The following PRTN3 variants were observed in gnomAD, a reference collection of about 807,000 sequenced individuals.
PRTN3 encodes myeloblastin.
Under a neutral mutation model 20.7 loss-of-function variants are expected in PRTN3, and 22 were observed. That is an observed-to-expected ratio of 1.06 (90% confidence interval 0.76 to 1.52). The LOEUF (loss-of-function observed/expected upper bound fraction) is 1.52. PRTN3 is among the 40% of genes most tolerant of loss of function. The pLI is 0.00. For missense variants in PRTN3, 378 were observed against 359.6 expected (o/e 1.05, Z -0.41); for synonymous variants, 173 against 152.9 (o/e 1.13, Z -0.97).
chr19:845,977 A>T (rs1377027118), intron 3 of PRTN3, among the ~76,000 whole-genome samples, 170 bp from the exon 4 acceptor site: 1 of 151,720 alleles, frequency 6.6e-6, no homozygotes, highest in African/African-American at 2.4e-5. Flanking sequence ...AAGAAAATGA[A>T]TGAATACAAT....
At chr19:847,733 C>G in intron 4 of PRTN3, 66 bp from the exon 5 acceptor site, 1 of 1,519,632 alleles carries the variant, frequency 6.6e-7, no homozygotes, top group Non-Finnish European at 8.9e-7. Flanking sequence ...GGGTGACTGG[C>G]CGTCCCCATC....
intron 1 of PRTN3, 41 bp downstream of exon 1, chr19:841,110 C>G (rs758584067): frequency 6.3e-7 from 1 of 1,593,034 alleles, no homozygotes; most frequent in South Asian, 1.1e-5. Context: ...CTCCAGGCCC[C>G]GGTGGATTGT....
rs1481679396 is a variant in PRTN3 at position 843,931 on chromosome 19, A to G, written c.266A>G (p.Asn89Ser). The G allele has an allele frequency of 1.1e-5, 18 of 1,596,362 alleles. No individual in the cohort carries two copies. Among genetic ancestry groups the G allele is most frequent in the Non-Finnish European group, 1.4e-5 (17 of 1,173,456 alleles). Residue 89 changes from asparagine (N) to serine (S), a missense_variant, in exon 3 of 5, where the codon AAC (asparagine) becomes AGC (serine). By Grantham distance (46) the Asn-to-Ser change is conservative. Coordinates refer to ENST00000234347, the MANE Select transcript of PRTN3 (RefSeq NM_002777.4). ...RLVNVVLGAH[N>S]VRTQEPTQQH... ...GTGAACGTGGTGCTCGGAGCCCACA[A>G]CGTGCGGACGCAGGAGCCCACCCAG...
At chr19:847,204 G>A (rs568168064) in intron 4 of PRTN3, among the ~76,000 whole-genome samples, 1 of 152,244 alleles carries the variant, frequency 6.6e-6, no homozygotes, top group East Asian at 1.9e-4. Flanking sequence ...TACTCAGGAG[G>A]CTAAGGCAGG....
At chr19:842,006 C>A (rs1441817979) in intron 1 of PRTN3, among the ~76,000 whole-genome samples, 1 of 148,420 alleles carries the variant, frequency 6.7e-6, no homozygotes, top group African/African-American at 2.5e-5. Flanking sequence ...GGATTACAGG[C>A]GTGAGCCACC....
At chr19:845,472 T>G (rs2035504110) in intron 3 of PRTN3, among the ~76,000 whole-genome samples, 2 of 151,448 alleles carry the variant, frequency 1.3e-5, no homozygotes, top group Non-Finnish European at 2.9e-5. Context: ...CCCAGCACTT[T>G]GGGAGGCCGA....
At chr19:843,657 C>G (rs1233324972) in intron 2 of PRTN3, 31 bp downstream of exon 2, 2 of 1,543,310 alleles carry the variant, frequency 1.3e-6, no homozygotes, top group Non-Finnish European at 8.7e-7. Flanking sequence ...CCCTGTCCGC[C>G]CGCCCCGCCC....
Position 844,121 on chromosome 19 carries a change from C to T in PRTN3, c.369+87C>T, listed in dbSNP as rs574256870. ...TCCTGCAGCCAGCATTCATTGAGCA[C>T]CCACTGTATACCGGGCCACGACCGA... On this transcript the variant is annotated intron_variant, in intron 3 of 4. Coordinates refer to ENST00000234347, the MANE Select transcript of PRTN3 (RefSeq NM_002777.4). 178 of 1,479,558 alleles carry T rather than the reference C, an allele frequency of 1.2e-4. No individual in the cohort carries two copies. The East Asian group carries it at 3.3e-3, about 28-fold the overall frequency. The allele number at this position is 1,479,558 out of a possible 1,614,324, so 91.7% of individuals were successfully genotyped here.
chr19:847,739 C>T, intron 4 of PRTN3, 60 bp from the exon 5 acceptor site: 1 of 1,535,982 alleles, frequency 6.5e-7, no homozygotes, highest in Non-Finnish European at 8.8e-7. Context: ...CTGGCCGTCC[C>T]CATCCTCCAG....
At chr19:844,825 G>C in intron 3 of PRTN3, among the ~76,000 whole-genome samples, 1 of 152,058 alleles carries the variant, frequency 6.6e-6, no homozygotes, top group Non-Finnish European at 1.5e-5. Flanking sequence ...CTTGGGGCTG[G>C]GCACTGTGGC....
In PRTN3 at chr19:843,468, C is replaced by T. The variant is rs2035470568; in HGVS notation, c.69C>T (p.Ala23=). The T allele has an allele frequency of 6.4e-7, 1 of 1,566,362 alleles. No individual in the cohort carries two copies. The highest frequency in any genetic ancestry group is 8.6e-7 in the Non-Finnish European group (1 of 1,160,768). The change falls in exon 2 of 5, where the codon GCC becomes GCT. Residue 23 remains alanine (A), a synonymous_variant. Coordinates refer to ENST00000234347, the MANE Select transcript of PRTN3 (RefSeq NM_002777.4). ...TGGACTCCCCCCCTGCAGGTGCTGCCCGAGCTGCGGAGATCGTGGGCGGGC... is the reference window on the plus strand; with the variant it reads ...TGGACTCCCCCCCTGCAGGTGCTGCTCGAGCTGCGGAGATCGTGGGCGGGC... ...VLLALLLSGA[A]RAAEIVGGHE...
At position 846,155 on chromosome 19, in the gene PRTN3, C is replaced by G. The variant is rs1182159360; in HGVS notation, c.378C>G (p.Ser126Arg). 1 of 1,457,240 alleles carries G rather than the reference C, an allele frequency of 6.9e-7. No homozygotes were observed. Among genetic ancestry groups the G allele is most frequent in the African/African-American group, 1.4e-5 (1 of 68,990 alleles). 90.3% of individuals were successfully genotyped at this position (1,457,240 alleles called of 1,614,324 possible). A position where few individuals can be genotyped will look rare whatever the true frequency, so the allele number is the denominator to read the frequency against. The change falls in exon 4 of 5, where the codon AGC becomes AGG. Residue 126 changes from serine (S) to arginine (R), a missense_variant. Ser to Arg is a moderately radical substitution (Grantham distance 110). Transcript: ENST00000234347. ...LNDVLLIQLS[S>R]PANLSASVAT... ...CCTGCCTTCTGCCCCAGCTGAGCAGCCCAGCCAACCTCAGTGCCTCCGTCG... is the reference window on the plus strand; with the variant it reads ...CCTGCCTTCTGCCCCAGCTGAGCAGGCCAGCCAACCTCAGTGCCTCCGTCG...
chr19:845,558 A>G (rs1386192176), intron 3 of PRTN3, among the ~76,000 whole-genome samples: 1 of 151,990 alleles, frequency 6.6e-6, no homozygotes, highest in African/African-American at 2.4e-5. Context: ...TACTAAAAAT[A>G]CAAAAATTAG....
At position 848,109 on chromosome 19, in the gene PRTN3, G is replaced by C; in HGVS notation, c.*140G>C. ...CCCGTCCCCCCACACTCCCTCCCACGGGGCTCCGGGAGACAGGCCGGCCCT... is the reference window on the plus strand; with the variant it reads ...CCCGTCCCCCCACACTCCCTCCCACCGGGCTCCGGGAGACAGGCCGGCCCT... On this transcript the variant is annotated 3_prime_UTR_variant, in exon 5 of 5. Coordinates refer to ENST00000234347, the MANE Select transcript of PRTN3 (RefSeq NM_002777.4). 5 of 1,099,884 alleles carry C rather than the reference G, an allele frequency of 4.5e-6. No homozygotes were observed. The highest frequency in any genetic ancestry group is 6.3e-6 in the Non-Finnish European group (5 of 790,412). 68.1% of individuals were successfully genotyped at this position (1,099,884 alleles called of 1,614,324 possible).
At chr19:843,292 TA>T (rs1448445159) in intron 1 of PRTN3, 168 bp from the exon 2 acceptor site, 27 of 653,962 alleles carry the variant, frequency 4.1e-5, no homozygotes, top group Middle Eastern at 4.3e-4. Flanking sequence ...GAAATCGTCG[TA>T]ATTATAACCC....
chr19:842,241 G>C (rs1026588110), intron 1 of PRTN3, among the ~76,000 whole-genome samples: 8 of 150,582 alleles, frequency 5.3e-5, no homozygotes, highest in Non-Finnish European at 1.2e-4. Context: ...GGTCAGGCTG[G>C]TCTCGAACTC....
intron 1 of PRTN3, among the ~76,000 whole-genome samples, chr19:841,687 C>T (rs1395623962): frequency 6.6e-6 from 1 of 151,874 alleles, no homozygotes; most frequent in East Asian, 1.9e-4. Context: ...AGAGCATGGG[C>T]CCCCTCAGGT....
At position 843,430 on chromosome 19, in the gene PRTN3, G is replaced by A. The variant is rs768411828; in HGVS notation, c.62-31G>A. ...TCCCCCCTTTCCCTGCAGCCTGGGG[G>A]CTCCCTGACGCCTGGACTCCCCCCC... On this transcript the variant is annotated intron_variant, in intron 1 of 4. Coordinates refer to ENST00000234347, the MANE Select transcript of PRTN3 (RefSeq NM_002777.4). 6 of 1,517,480 alleles carry A rather than the reference G, an allele frequency of 4.0e-6. No homozygotes were observed. The African/African-American group carries it at 8.4e-5, about 21-fold the overall frequency. 94.0% of individuals were successfully genotyped at this position (1,517,480 alleles called of 1,614,324 possible).
chr19:845,870 G>T (rs2035509009), intron 3 of PRTN3, among the ~76,000 whole-genome samples: 1 of 151,862 alleles, frequency 6.6e-6, no homozygotes, highest in Non-Finnish European at 1.5e-5. Flanking sequence ...TCACCCAATG[G>T]GATGGCTCCG....
Sources: allele counts gnomAD v4.1 joint callset (sites outside exome capture counted in the v4.1 genomes callset), GRCh38; gene constraint gnomAD v4.1.1; transcripts MANE v1.5; gene names NCBI Gene and HGNC (gene_info 2026-07-23, HGNC 2026-07-21).